The following KDM6A variants were observed in gnomAD, a reference collection of about 807,000 sequenced individuals.
KDM6A encodes the protein lysine-specific demethylase 6A.
Under a neutral mutation model 117.6 loss-of-function variants are expected in KDM6A, and 11 were observed. That is an observed-to-expected ratio of 0.09 (90% confidence interval 0.06 to 0.15). KDM6A has a LOEUF of 0.15. Among genes scored for constraint, KDM6A ranks in the 10% least tolerant of loss-of-function variants. The probability of loss-of-function intolerance (pLI) is 1.00; values close to 1 mark genes in which losing one functional copy is unlikely to be tolerated. For synonymous variants in KDM6A, 384 were observed against 396.1 expected (o/e 0.97, Z 0.36); for missense variants, 799 against 1,077.3 (o/e 0.74, Z 3.62).
intron 10 of KDM6A, among the ~76,000 whole-genome samples, chrX:45,055,473 C>G (rs1464134814): frequency 9.0e-6 from 1 of 111,298 alleles, no homozygotes; most frequent in African/African-American, 3.3e-5. Flanking sequence ...TTCCTAATCC[C>G]TCCCCAGGCT....
At chrX:44,929,177 G>A (rs895063703) in intron 2 of KDM6A, among the ~76,000 whole-genome samples, 5 of 109,231 alleles carry the variant, frequency 4.6e-5, no homozygotes, top group South Asian at 7.9e-4. Flanking sequence ...TGATCCACCC[G>A]CCTTGGCCTC....
chrX:44,984,679 C>G (rs1238859598), intron 4 of KDM6A, among the ~76,000 whole-genome samples: 1 of 111,590 alleles, frequency 9.0e-6, no homozygotes, highest in Non-Finnish European at 1.9e-5. Flanking sequence ...ATCCTTTCCC[C>G]GTTGCTTGTT....
chrX:45,029,969 G>A (rs1033816001), intron 6 of KDM6A, among the ~76,000 whole-genome samples: 9 of 111,592 alleles, frequency 8.1e-5, no homozygotes, highest in African/African-American at 2.9e-4. Flanking sequence ...TTGCTCATAG[G>A]ATGGATGGGG....
At chrX:44,983,777 G>A (rs748539663) in intron 4 of KDM6A, among the ~76,000 whole-genome samples, 1,223 of 110,402 alleles carry the variant, frequency 0.011, 24 homozygotes, top group African/African-American at 0.038. Flanking sequence ...TCCATGGTGT[G>A]TATGTGCCAC....
At chrX:45,032,942 ATAGATGAAATG>A (rs1181549098) in intron 6 of KDM6A, among the ~76,000 whole-genome samples, 2 of 112,425 alleles carry the variant, frequency 1.8e-5, no homozygotes, top group African/African-American at 6.5e-5. Context: ...TAAATTACTG[ATAGATGAAATG>A]TAGGCTAGGC....
intron 8 of KDM6A, among the ~76,000 whole-genome samples, chrX:45,040,890 C>T (rs867472258): frequency 0.017 from 1,313 of 76,274 alleles, 8 homozygotes; most frequent in African/African-American, 0.073. Flanking sequence ...CCACCTCCCT[C>T]CCGGACGGGG....
intron 3 of KDM6A, among the ~76,000 whole-genome samples, chrX:44,969,753 C>CT (rs751423182): frequency 1.8e-5 from 2 of 111,557 alleles, no homozygotes; most frequent in Non-Finnish European, 3.8e-5. Context: ...TGACAGTACT[C>CT]TATCCTGGAA....
At chrX:45,055,967 G>A (rs1003085844) in intron 10 of KDM6A, among the ~76,000 whole-genome samples, 7 of 110,905 alleles carry the variant, frequency 6.3e-5, no homozygotes, top group Admixed American at 1.9e-4. Flanking sequence ...TTTCAGCTTC[G>A]ATGAGCAGTA....
intron 4 of KDM6A, among the ~76,000 whole-genome samples, chrX:45,003,722 T>G (rs2147514281): frequency 9.1e-6 from 1 of 110,112 alleles, no homozygotes; most frequent in Non-Finnish European, 1.9e-5. Flanking sequence ...TTTCTTTCTC[T>G]CTTTGACTGT....
At chrX:45,028,901 T>G (rs1292517493) in intron 6 of KDM6A, among the ~76,000 whole-genome samples, 3 of 112,500 alleles carry the variant, frequency 2.7e-5, no homozygotes, top group Non-Finnish European at 5.6e-5. Context: ...AAAATGCATG[T>G]TTGAAAAGTA....
At chrX:44,895,389 A>G (rs779938014) in intron 2 of KDM6A, among the ~76,000 whole-genome samples, 34 of 106,419 alleles carry the variant, frequency 3.2e-4, no homozygotes, top group African/African-American at 1.1e-3. Context: ...AAGTGCTGGG[A>G]TTACAGACCA....
intron 2 of KDM6A, among the ~76,000 whole-genome samples, chrX:44,952,271 C>CTTT (rs35385542): frequency 0.1 from 9,344 of 89,779 alleles, 854 homozygotes; most frequent in African/African-American, 0.26. Flanking sequence ...TTCTACTGAC[C>CTTT]TTTTTTTTTT....
chrX:45,038,357 G>A (rs187091086), intron 8 of KDM6A, among the ~76,000 whole-genome samples: 3 of 111,512 alleles, frequency 2.7e-5, no homozygotes, highest in East Asian at 2.8e-4. Flanking sequence ...GTTGTAATGC[G>A]TTTTTTAAAG....
In KDM6A at chrX:45,037,693, A is replaced by G. The variant is rs1299345312; in HGVS notation, c.654+4A>G. The G allele has an allele frequency of 2.5e-6, 3 of 1,186,259 alleles. No individual in the cohort carries two copies. The highest frequency in any genetic ancestry group is 2.2e-5 in the Admixed American group (1 of 45,935). ...TGCCCACTTATATGAAACCCAGGTA[A>G]GTATTTTAACTTATTCTATTTAAAA... is the stretch of plus-strand genomic sequence containing the variant. On this transcript the variant is annotated splice_donor_region_variant and intron_variant, in intron 8 of 29. Coordinates refer to ENST00000611820, the MANE Select transcript of KDM6A (RefSeq NM_001291415.2).
At chrX:44,934,030 GTTTAC>G (rs2036828175) in intron 2 of KDM6A, among the ~76,000 whole-genome samples, 1 of 112,567 alleles carries the variant, frequency 8.9e-6, no homozygotes, top group African/African-American at 3.2e-5. Context: ...TAAGATGTCT[GTTTAC>G]TTTAAATAAT....
At chrX:44,963,497 G>GTT in intron 3 of KDM6A, among the ~76,000 whole-genome samples, 1 of 28,359 alleles carries the variant, frequency 3.5e-5, no homozygotes, top group Non-Finnish European at 7.8e-5. Context: ...CTGTCTGTCT[G>GTT]TCTCTGTCTG....
At chrX:44,955,800 A>G (rs775002770) in intron 2 of KDM6A, among the ~76,000 whole-genome samples, 2 of 111,208 alleles carry the variant, frequency 1.8e-5, no homozygotes, top group Non-Finnish European at 3.8e-5. Context: ...TTCTTTTTTA[A>G]TTTTTAATTT....
chrX:45,086,572 A>G (rs999796935), intron 25 of KDM6A, among the ~76,000 whole-genome samples: 2 of 112,128 alleles, frequency 1.8e-5, no homozygotes, highest in African/African-American at 6.5e-5. Flanking sequence ...GCTGGATTAC[A>G]GGCATGATCC....
chrX:45,095,821 G>C (rs751290281), intron 27 of KDM6A, among the ~76,000 whole-genome samples: 2 of 112,048 alleles, frequency 1.8e-5, no homozygotes, highest in Admixed American at 9.5e-5. Context: ...ATCTGCAAAG[G>C]CACTAATGTA....
Sources: allele counts gnomAD v4.1 joint callset (sites outside exome capture counted in the v4.1 genomes callset), GRCh38; gene constraint gnomAD v4.1.1; transcripts MANE v1.5; gene names NCBI Gene and HGNC (gene_info 2026-07-23, HGNC 2026-07-21).